The following SLC11A2 variants were observed in gnomAD, a reference collection of about 807,000 sequenced individuals.
SLC11A2 encodes the protein natural resistance-associated macrophage protein 2.
A neutral mutation model predicts 68.0 loss-of-function variants in SLC11A2; 38 were observed. The ratio of observed to expected loss-of-function variants is 0.56; its 90% CI spans 0.43 to 0.73. The LOEUF is 0.73. Ranked by LOEUF, SLC11A2 falls within the 30% of genes least tolerant of loss-of-function variation. The probability of loss-of-function intolerance (pLI) is 0.00; values close to 1 mark genes in which losing one functional copy is unlikely to be tolerated. For missense variants in SLC11A2, 517 were observed against 690.5 expected (o/e 0.75, Z 2.82); for synonymous variants, 242 against 250.6 (o/e 0.97, Z 0.32).
Position 51,026,332 on chromosome 12 carries a change from GAC to G in SLC11A2, c.-63_-62del. The G allele has an allele frequency of 7.8e-7, 1 of 1,275,672 alleles. No individual in the cohort carries two copies. Among genetic ancestry groups the G allele is most frequent in the Non-Finnish European group, 1.0e-6 (1 of 979,262 alleles). The allele number at this position is 1,275,672 out of a possible 1,614,324, so 79.0% of individuals were successfully genotyped here. A position where few individuals can be genotyped will look rare whatever the true frequency, so the allele number is the denominator to read the frequency against. ...CACCTTACCAGCTCCGCAACCACCT[GAC>G]ACGCCGCCCCCGCGCCCAGGGCTCC... On this transcript the variant is annotated 5_prime_UTR_variant, in exon 1 of 16. The change abolishes the stop of an existing upstream ORF in the 5' untranslated region. Coordinates refer to ENST00000262052, the MANE Select transcript of SLC11A2 (RefSeq NM_000617.3).
At chr12:50,992,970 TC>T in intron 11 of SLC11A2, 41 bp from the exon 12 acceptor site, 1 of 1,612,902 alleles carries the variant, frequency 6.2e-7, no homozygotes, top group Non-Finnish European at 8.5e-7. Context: ...GTGGCAATAA[TC>T]TGCTCAGACA....
chr12:50,954,603 G>C, the SLC11A2 span, among the ~76,000 whole-genome samples: 1 of 152,130 alleles, frequency 6.6e-6, no homozygotes, highest in African/African-American at 2.4e-5. Context: ...GCTCATGCCT[G>C]TAATCCCAGC....
the SLC11A2 span, among the ~76,000 whole-genome samples, chr12:50,961,328 A>G: frequency 6.6e-6 from 1 of 152,156 alleles, no homozygotes; most frequent in South Asian, 2.1e-4. Context: ...AACTAGGGCA[A>G]TGGGCTGTTC....
At chr12:50,992,667 G>C in intron 12 of SLC11A2, 143 bp downstream of exon 12, 1 of 825,852 alleles carries the variant, frequency 1.2e-6, no homozygotes, top group Non-Finnish European at 1.9e-6. Context: ...GGGAGGTGGA[G>C]GTTGCAGTGA....
chr12:51,028,157 A>G, upstream of SLC11A2: 1 of 1,512,062 alleles, frequency 6.6e-7, no homozygotes, highest in Non-Finnish European at 8.9e-7. Flanking sequence ...TCAGCTGGGC[A>G]GCTTCCCTGG....
At chr12:51,009,549 A>T (rs1943033188) in intron 2 of SLC11A2, among the ~76,000 whole-genome samples, 1 of 152,218 alleles carries the variant, frequency 6.6e-6, no homozygotes, top group Non-Finnish European at 1.5e-5. Flanking sequence ...TAGGGAGCTG[A>T]CTCATATCAT....
the SLC11A2 span, chr12:50,960,836 C>T: frequency 2.8e-6 from 2 of 708,300 alleles, no homozygotes; most frequent in Non-Finnish European, 4.5e-6. Flanking sequence ...ACGTGTATCA[C>T]CATGTGTGGC....
chr12:51,005,082 C>G (rs1942605501), intron 4 of SLC11A2, among the ~76,000 whole-genome samples, 175 bp from the exon 5 acceptor site: 1 of 152,198 alleles, frequency 6.6e-6, no homozygotes. Context: ...GCTAAGTCAC[C>G]TTGTACCTTT....
At chr12:51,001,112 C>T (rs1335387415) in intron 5 of SLC11A2, among the ~76,000 whole-genome samples, 1 of 150,648 alleles carries the variant, frequency 6.6e-6, no homozygotes, top group Non-Finnish European at 1.5e-5. Flanking sequence ...TTGCAGTGAG[C>T]TGAGATTGCG....
chr12:50,979,220 A>G (rs1355827574), downstream of SLC11A2, among the ~76,000 whole-genome samples: 1 of 152,202 alleles, frequency 6.6e-6, no homozygotes, highest in Non-Finnish European at 1.5e-5. Flanking sequence ...CTTAGTTATC[A>G]ACCTCCTCTA....
chr12:51,027,004 C>T (rs1207452720), upstream of SLC11A2, among the ~76,000 whole-genome samples: 2 of 152,124 alleles, frequency 1.3e-5, no homozygotes, highest in Non-Finnish European at 2.9e-5. Context: ...TGGAGAAACC[C>T]CGTCTTTACT....
intron 1 of SLC11A2, among the ~76,000 whole-genome samples, chr12:51,015,162 TAA>T (rs35686853): frequency 7.6e-4 from 103 of 134,846 alleles, no homozygotes; most frequent in South Asian, 2.1e-3. Flanking sequence ...TCCGTCTCAT[TAA>T]AAAAAAAAAA....
In SLC11A2 at chr12:51,005,455, G is replaced by A. The variant is rs1192605619; in HGVS notation, c.184-19C>T. ...AAGAGTACTGTACAAGAGAGGAAAA[G>A]AGATTAAACTGAACATCACCATTGA... On this transcript the variant is annotated intron_variant, in intron 3 of 15. Transcript: ENST00000262052. 1 of 1,613,062 alleles carries A rather than the reference G, an allele frequency of 6.2e-7. No homozygotes were observed. Among genetic ancestry groups the A allele is most frequent in the South Asian group, 1.1e-5 (1 of 90,952 alleles).
Position 51,000,362 on chromosome 12 carries a change from G to C in SLC11A2, c.487C>G (p.Gln163Glu). ...GCAATGGCTGAGCCAATGACTTCTT[G>C]CATGTCTGAGCCGATGATAGCCAAC... ...VELAIIGSDM[Q>E]EVIGSAIAIN... is the part of the protein sequence containing the mutation. The change falls in exon 6 of 16, where the codon CAA becomes GAA. Residue 163 changes from glutamine to glutamate, a missense_variant. Physicochemically the swap from Gln to Glu is conservative, Grantham distance 29. Coordinates refer to ENST00000262052, the MANE Select transcript of SLC11A2 (RefSeq NM_000617.3). 1 of 1,614,120 alleles carries C rather than the reference G, an allele frequency of 6.2e-7. No individual in the cohort carries two copies. The highest frequency in any genetic ancestry group is 8.5e-7 in the Non-Finnish European group (1 of 1,179,964).
chr12:51,009,121 A>C (rs1480493600), intron 2 of SLC11A2: 2 of 1,511,814 alleles, frequency 1.3e-6, no homozygotes, highest in Admixed American at 4.0e-5. Context: ...ACTTACTCAA[A>C]TAATCGACCG....
In SLC11A2 at chr12:51,026,335, A is replaced by T. The variant is rs551608313; in HGVS notation, c.-64T>A. ...CTTACCAGCTCCGCAACCACCTGAC[A>T]CGCCGCCCCCGCGCCCAGGGCTCCA... is the stretch of plus-strand genomic sequence containing the variant. On this transcript the variant is annotated 5_prime_UTR_variant, in exon 1 of 16. Transcript: ENST00000262052. 1.8e-5 allele frequency: 23 copies of T among 1,267,940 alleles called. No individual in the cohort carries two copies. The South Asian group carries it at 2.9e-4, about 16-fold the overall frequency. The allele number at this position is 1,267,940 out of a possible 1,614,324, so 78.5% of individuals were successfully genotyped here.
At chr12:50,997,084 T>C (rs903068717) in intron 8 of SLC11A2, 112 bp from the exon 9 acceptor site, 1 of 860,084 alleles carries the variant, frequency 1.2e-6, no homozygotes, top group African/African-American at 1.7e-5. Context: ...CTTCCTTATT[T>C]TTATATTTTT....
intron 1 of SLC11A2, among the ~76,000 whole-genome samples, chr12:51,021,471 C>T (rs1301379065): frequency 3.3e-5 from 5 of 152,034 alleles, no homozygotes; most frequent in Non-Finnish European, 7.4e-5. Flanking sequence ...ACTAAAAATA[C>T]AATAATTAGC....
At chr12:50,967,904 T>G in the SLC11A2 span, among the ~76,000 whole-genome samples, 1 of 152,112 alleles carries the variant, frequency 6.6e-6, no homozygotes, top group East Asian at 1.9e-4. Context: ...CTGGGCAACA[T>G]GGCGAATACC....
Sources: allele counts gnomAD v4.1 joint callset (sites outside exome capture counted in the v4.1 genomes callset), GRCh38; gene constraint gnomAD v4.1.1; transcripts MANE v1.5; gene names NCBI Gene and HGNC (gene_info 2026-07-23, HGNC 2026-07-21).